GRM7: variants seen among roughly 807,000 people sequenced by gnomAD.
The protein encoded by GRM7 is glutamate metabotropic receptor 7, also known as metabotropic glutamate receptor 7.
A neutral mutation model predicts 84.5 loss-of-function variants in GRM7; 35 were observed. That is an observed-to-expected ratio of 0.41 (90% confidence interval 0.32 to 0.55). The LOEUF is 0.55. Among genes scored for constraint, GRM7 ranks in the 20% least tolerant of loss-of-function variants. GRM7 has a pLI of 0.19. For missense variants in GRM7, 1,003 were observed against 1,194.6 expected, an observed-to-expected ratio of 0.84 and a Z score of 2.36; for synonymous variants, 487 against 455.1, an observed-to-expected ratio of 1.07 and a Z score of -0.89.
chr3:7,236,973 T>A (rs1026700384), intron 2 of GRM7, among the ~76,000 whole-genome samples: 3 of 152,172 alleles, frequency 2.0e-5, no homozygotes, highest in Non-Finnish European at 2.9e-5. Flanking sequence ...CATACTGATG[T>A]GGTTATTGAA....
rs146599391 is a variant in GRM7, at chr3:7,391,014, T to G, written c.1034-24009T>G. On this transcript the variant is annotated intron_variant, in intron 4 of 9. Coordinates refer to ENST00000357716, the MANE Select transcript of GRM7 (RefSeq NM_000844.4). Reference sequence around the variant, plus strand: ...TGTTGTTGTTGTTTTGAATTGGCTATCATTTGGATGTGGCTTCTTGATTTT... The same window carrying G: ...TGTTGTTGTTGTTTTGAATTGGCTAGCATTTGGATGTGGCTTCTTGATTTT... Among the ~76,000 whole-genome samples the G allele has an allele frequency of 2.1e-3, 319 of 152,262 alleles. 2 individuals are homozygous for G. The highest frequency in any genetic ancestry group is 0.014 in the Middle Eastern group (4 of 294).
intron 1 of GRM7, among the ~76,000 whole-genome samples, chr3:6,943,365 A>G (rs566444450): frequency 3.0e-4 from 46 of 151,934 alleles, no homozygotes; most frequent in South Asian, 1.2e-3. Context: ...TCTATTTTTC[A>G]TTAATTTTTC....
intron 8 of GRM7, among the ~76,000 whole-genome samples, chr3:7,640,177 C>T (rs1218971370): frequency 6.6e-6 from 1 of 152,112 alleles, no homozygotes; most frequent in Non-Finnish European, 1.5e-5. Context: ...ATGACCAACG[C>T]ATGTTGGGCA....
intron 7 of GRM7, among the ~76,000 whole-genome samples, chr3:7,492,683 A>G (rs75838234): frequency 0.095 from 14,369 of 151,574 alleles, 822 homozygotes; most frequent in South Asian, 0.13. Flanking sequence ...ATAGATCTTT[A>G]TTTTCGGTTC....
chr3:7,680,529 C>A (rs978051529), intron 9 of GRM7: 45 of 516,538 alleles, frequency 8.7e-5, no homozygotes, highest in East Asian at 1.7e-4. Flanking sequence ...AAGTGTGAAG[C>A]CTCCCCCTTC....
chr3:7,305,016 G>A (rs1302434006), intron 3 of GRM7, among the ~76,000 whole-genome samples: 1 of 152,142 alleles, frequency 6.6e-6, no homozygotes, highest in African/African-American at 2.4e-5. Context: ...CATTCCATCA[G>A]AGGACTTCTT....
chr3:7,171,684 C>T (rs959110479), intron 2 of GRM7, among the ~76,000 whole-genome samples: 4 of 152,216 alleles, frequency 2.6e-5, no homozygotes, highest in South Asian at 2.1e-4. Flanking sequence ...AAAGGTAAAC[C>T]GTCCTACACA....
intron 7 of GRM7, among the ~76,000 whole-genome samples, chr3:7,555,810 G>A (rs1693726925): frequency 1.3e-5 from 2 of 152,104 alleles, no homozygotes; most frequent in Non-Finnish European, 2.9e-5. Context: ...AGTAGTCCCA[G>A]CTCATACTCC....
In GRM7 at chr3:7,146,497, G is replaced by C; in HGVS notation, c.565G>C (p.Asp189His). The C allele has an allele frequency of 6.2e-7, 1 of 1,613,894 alleles. No homozygotes were observed. The highest frequency in any genetic ancestry group is 1.1e-5 in the South Asian group (1 of 91,042). Residue 189 changes from aspartate (D) to histidine (H), a missense_variant, in exon 2 of 10, where the codon GAC becomes CAC. Transcript: ENST00000357716. ...YASTAPELSDDRRYDFFSRVV... is the reference protein window; with the variant it reads ...YASTAPELSDHRRYDFFSRVV... ...ATCAACGGCACCCGAGCTAAGTGAT[G>C]ACCGGCGCTATGACTTCTTCTCTCG...
intron 5 of GRM7, among the ~76,000 whole-genome samples, chr3:7,425,396 A>C (rs148869105): frequency 1.3e-5 from 2 of 152,198 alleles, no homozygotes; most frequent in African/African-American, 2.4e-5. Flanking sequence ...ATAGTTACAC[A>C]AGAGGGAATT....
chr3:6,938,329 T>C (rs1224107255), intron 1 of GRM7, among the ~76,000 whole-genome samples: 1 of 152,182 alleles, frequency 6.6e-6, no homozygotes, highest in African/African-American at 2.4e-5. Flanking sequence ...TATTCTACCA[T>C]GTGGCTTTCC....
intron 4 of GRM7, among the ~76,000 whole-genome samples, chr3:7,318,734 T>C (rs1700669103): frequency 6.6e-6 from 1 of 152,076 alleles, no homozygotes; most frequent in Non-Finnish European, 1.5e-5. Context: ...AAAATGACCT[T>C]CTTCTAACTT....
At chr3:7,446,772 T>C (rs1189755869) in intron 5 of GRM7, among the ~76,000 whole-genome samples, 1 of 152,202 alleles carries the variant, frequency 6.6e-6, no homozygotes, top group Non-Finnish European at 1.5e-5. Flanking sequence ...GATTTTTTTT[T>C]ATATTAACAA....
intron 2 of GRM7, among the ~76,000 whole-genome samples, chr3:7,274,618 C>A (rs919551582): frequency 1.7e-4 from 26 of 151,950 alleles, no homozygotes; most frequent in African/African-American, 6.0e-4. Context: ...TATATGGTTT[C>A]TGAGGAGAGA....
At chr3:7,308,218 G>A (rs183776039) in intron 4 of GRM7, among the ~76,000 whole-genome samples, 1 of 151,354 alleles carries the variant, frequency 6.6e-6, no homozygotes, top group East Asian at 1.9e-4. Context: ...ACTAATCATT[G>A]CTACACTGTT....
At chr3:7,496,226 A>G (rs1699696430) in intron 7 of GRM7, among the ~76,000 whole-genome samples, 1 of 152,144 alleles carries the variant, frequency 6.6e-6, no homozygotes, top group Non-Finnish European at 1.5e-5. Context: ...GTAAAACATC[A>G]TCTACCTAGT....
intron 1 of GRM7, among the ~76,000 whole-genome samples, chr3:6,920,610 C>G (rs1697092506): frequency 6.6e-6 from 1 of 151,878 alleles, no homozygotes; most frequent in Non-Finnish European, 1.5e-5. Flanking sequence ...TGGATAATAC[C>G]TCTGCAGATC....
At chr3:6,988,449 A>G (rs192207245) in intron 1 of GRM7, among the ~76,000 whole-genome samples, 1 of 152,132 alleles carries the variant, frequency 6.6e-6, no homozygotes, top group South Asian at 2.1e-4. Context: ...TAAGGGCATT[A>G]TCTTTCTCAG....
chr3:7,263,741 G>A (rs1159607094), intron 2 of GRM7, among the ~76,000 whole-genome samples: 1 of 152,092 alleles, frequency 6.6e-6, no homozygotes, highest in African/African-American at 2.4e-5. Context: ...CGGCAGGGGT[G>A]GGGCACTGCC....
Sources: allele counts gnomAD v4.1 joint callset (sites outside exome capture counted in the v4.1 genomes callset), GRCh38; gene constraint gnomAD v4.1.1; transcripts MANE v1.5; gene names NCBI Gene and HGNC (gene_info 2026-07-23, HGNC 2026-07-21).